CCDC60: variants seen among roughly 807,000 people sequenced by gnomAD.
CCDC60 encodes the protein coiled-coil domain-containing protein 60.
In CCDC60, 54 loss-of-function variants were observed where a neutral mutation model predicts 63.5. The ratio of observed to expected loss-of-function variants is 0.85; its 90% confidence interval spans 0.68 to 1.07. The LOEUF is 1.07. CCDC60 is among the 50% of genes least tolerant of loss of function. The pLI is 0.00. For missense variants in CCDC60, 651 were observed against 684.3 expected (o/e 0.95, Z 0.54); for synonymous variants, 206 against 238.8 (o/e 0.86, Z 1.27).
intron 8 of CCDC60, 95 bp from the exon 9 acceptor site, chr12:119,520,026 T>G (rs1952479490): frequency 6.8e-6 from 7 of 1,029,730 alleles, no homozygotes; most frequent in Non-Finnish European, 1.0e-5. Context: ...AGATTCTTGC[T>G]CTAGAAAGAG....
chr12:119,392,511 G>A (rs1169934150), intron 1 of CCDC60, among the ~76,000 whole-genome samples: 1 of 152,200 alleles, frequency 6.6e-6, no homozygotes, highest in East Asian at 1.9e-4. Context: ...GAGTTGTGGT[G>A]GAGATCAAAT....
At chr12:119,515,740 C>T (rs562438090) in intron 7 of CCDC60, among the ~76,000 whole-genome samples, 1 of 152,284 alleles carries the variant, frequency 6.6e-6, no homozygotes, top group Non-Finnish European at 1.5e-5. Context: ...CAGCATGCAG[C>T]AGGAATGGGG....
chr12:119,516,563 T>G, intron 7 of CCDC60, 60 bp from the exon 8 acceptor site: 1 of 1,225,958 alleles, frequency 8.2e-7, no homozygotes, highest in Non-Finnish European at 1.2e-6. Context: ...CACCCTGTTC[T>G]GCACAATCCT....
chr12:119,493,521 T>C (rs1190591560), intron 5 of CCDC60, among the ~76,000 whole-genome samples: 2 of 151,538 alleles, frequency 1.3e-5, no homozygotes, highest in Non-Finnish European at 2.9e-5. Flanking sequence ...CATCTGAGTC[T>C]CTGCTTTATT....
chr12:119,505,854 CA>C (rs556823184), intron 7 of CCDC60, among the ~76,000 whole-genome samples: 1 of 151,656 alleles, frequency 6.6e-6, no homozygotes, highest in African/African-American at 2.4e-5. Context: ...GACTCCATCT[CA>C]AAAAAAAGCA....
chr12:119,386,346 G>A (rs978570775), intron 1 of CCDC60, among the ~76,000 whole-genome samples: 6 of 152,038 alleles, frequency 3.9e-5, no homozygotes, highest in African/African-American at 1.4e-4. Flanking sequence ...GGGGTGGAGG[G>A]AAAAATAAGT....
chr12:119,382,068 G>A (rs1313064626), intron 1 of CCDC60, among the ~76,000 whole-genome samples: 1 of 152,178 alleles, frequency 6.6e-6, no homozygotes, highest in Non-Finnish European at 1.5e-5. Context: ...GAGCCAGGGA[G>A]AAACCCTACT....
At chr12:119,346,943 G>T (rs1213627202) in intron 1 of CCDC60, among the ~76,000 whole-genome samples, 1 of 151,790 alleles carries the variant, frequency 6.6e-6, no homozygotes, top group Non-Finnish European at 1.5e-5. Flanking sequence ...TCCTGCCTCA[G>T]CCTCCTGAGT....
rs1335056168 is a variant in CCDC60, at chr12:119,427,493, A to G, written c.91-1190A>G. Among the ~76,000 whole-genome samples the G allele has an allele frequency of 3.3e-5, 5 of 152,210 alleles. 1 individual carries two copies. The highest frequency in any genetic ancestry group is 2.1e-4 in the South Asian group (1 of 4,832). On this transcript the variant is annotated intron_variant, in intron 1 of 13. Transcript: ENST00000327554. ...TTGTGAGATGTAAAGTTGTTTTCCAATAGTTTGCTATTACAAGCAGCATGC... is the reference window on the plus strand; with the variant it reads ...TTGTGAGATGTAAAGTTGTTTTCCAGTAGTTTGCTATTACAAGCAGCATGC...
At chr12:119,412,772 C>A (rs1312786443) in intron 1 of CCDC60, among the ~76,000 whole-genome samples, 4 of 123,644 alleles carry the variant, frequency 3.2e-5, no homozygotes, top group Non-Finnish European at 6.9e-5. Flanking sequence ...CACCCCCCCC[C>A]ACCCCCCCAT....
chr12:119,540,491 A>C (rs1389241148), intron 13 of CCDC60, 123 bp from the exon 14 acceptor site: 3 of 724,816 alleles, frequency 4.1e-6, no homozygotes, highest in African/African-American at 3.5e-5. Context: ...ATGAATGCCC[A>C]AATGGTATTC....
chr12:119,535,443 T>G (rs1477724574), intron 13 of CCDC60, among the ~76,000 whole-genome samples: 1 of 152,226 alleles, frequency 6.6e-6, no homozygotes, highest in African/African-American at 2.4e-5. Flanking sequence ...TAGTTATTTC[T>G]TGTCTTCTGC....
chr12:119,453,315 T>C (rs183647659), intron 2 of CCDC60, among the ~76,000 whole-genome samples: 2 of 152,320 alleles, frequency 1.3e-5, no homozygotes, highest in Admixed American at 6.5e-5. Flanking sequence ...CTCCTCCTTT[T>C]CTTCCATCGT....
intron 3 of CCDC60, among the ~76,000 whole-genome samples, chr12:119,475,662 G>A (rs368776218): frequency 3.3e-5 from 5 of 152,142 alleles, no homozygotes; most frequent in East Asian, 1.9e-4. Flanking sequence ...CTTGGAACCC[G>A]TTAGGACTTC....
intron 1 of CCDC60, among the ~76,000 whole-genome samples, chr12:119,398,398 T>C (rs12368799): frequency 0.076 from 11,602 of 152,096 alleles, 570 homozygotes; most frequent in Middle Eastern, 0.16. Flanking sequence ...GCACGCAGAC[T>C]CGGTTCCCAC....
At chr12:119,460,269 A>C (rs1950832216) in intron 2 of CCDC60, among the ~76,000 whole-genome samples, 1 of 152,214 alleles carries the variant, frequency 6.6e-6, no homozygotes, top group Admixed American at 6.5e-5. Context: ...TAATTACATC[A>C]TGCTCCAGGT....
chr12:119,355,081 T>A (rs1222638383), intron 1 of CCDC60, among the ~76,000 whole-genome samples: 1 of 152,188 alleles, frequency 6.6e-6, no homozygotes, highest in East Asian at 1.9e-4. Context: ...TCACCTCTCA[T>A]GCCAAGCCTC....
At chr12:119,409,117 A>G (rs1276971103) in intron 1 of CCDC60, among the ~76,000 whole-genome samples, 2 of 152,148 alleles carry the variant, frequency 1.3e-5, no homozygotes, top group Non-Finnish European at 2.9e-5. Flanking sequence ...GGTGGGTATC[A>G]TGGGGGATAT....
chr12:119,357,323 T>TC (rs1382677486), intron 1 of CCDC60, among the ~76,000 whole-genome samples: 2 of 152,202 alleles, frequency 1.3e-5, no homozygotes, highest in Non-Finnish European at 2.9e-5. Flanking sequence ...TACTCTGCTA[T>TC]CCAACATTAG....
Sources: allele counts gnomAD v4.1 joint callset (sites outside exome capture counted in the v4.1 genomes callset), GRCh38; gene constraint gnomAD v4.1.1; transcripts MANE v1.5; gene names NCBI Gene and HGNC (gene_info 2026-07-23, HGNC 2026-07-21).